The following LRWD1 variants were observed in gnomAD, a reference collection of about 807,000 sequenced individuals.
The protein encoded by LRWD1 is leucine rich repeats and WD repeat domain containing 1, also known as leucine-rich repeat and WD repeat-containing protein 1.
LRWD1 carries 76 observed loss-of-function variants against 75.6 expected under a neutral mutation model. The ratio of observed to expected loss-of-function variants is 1.01; its 90% CI spans 0.84 to 1.22. The LOEUF is 1.22. Among genes scored for constraint, LRWD1 ranks in the 50% most tolerant of loss-of-function variants. The pLI, the probability that LRWD1 is intolerant of heterozygous loss-of-function variation, is 0.00. For synonymous variants in LRWD1, 487 were observed against 377.0 expected, an observed-to-expected ratio of 1.29 and a Z score of -3.38; for missense variants, 917 against 862.0, an observed-to-expected ratio of 1.06 and a Z score of -0.80.
At chr7:102,467,585 C>A in intron 4 of LRWD1, 106 bp downstream of exon 4, 2 of 1,533,304 alleles carry the variant, frequency 1.3e-6, no homozygotes, top group South Asian at 2.4e-5. Flanking sequence ...TGGGGTGAGT[C>A]AGGGTGGGCA....
In LRWD1 at chr7:102,467,908, T is replaced by C. The variant is rs1325074829; in HGVS notation, c.678+85T>C. The C allele has an allele frequency of 4.0e-6, 6 of 1,504,758 alleles. No homozygotes were observed. The Admixed American group carries it at 1.3e-4, about 34-fold the overall frequency. The allele number at this position is 1,504,758 out of a possible 1,614,324, so 93.2% of individuals were successfully genotyped here. On this transcript the variant is annotated intron_variant, in intron 5 of 14. Coordinates refer to ENST00000292616, the MANE Select transcript of LRWD1 (RefSeq NM_152892.3). ...AGGAGACCAAGGCGTCCTGGGCATG[T>C]GCCCAGGAAGCACCCCAGGTCCTGG...
chr7:102,472,204 G>T lies in LRWD1; in HGVS notation c.1443-14G>T, dbSNP rs560178149. On this transcript the variant is annotated splice_polypyrimidine_tract_variant and intron_variant, in intron 11 of 14. Coordinates refer to ENST00000292616, the MANE Select transcript of LRWD1 (RefSeq NM_152892.3). ...GCAAGGAATGGCCAACTAGCATCTC[G>T]TGCTGCCCCACAGGGTGTGTGAAGT... 866 of 1,579,174 alleles carry T rather than the reference G, an allele frequency of 5.5e-4. 13 individuals carry two copies. The South Asian group carries it at 9.3e-3, about 17-fold the overall frequency.
rs746505643 is a variant in LRWD1, at chr7:102,472,806, T to C, written c.1803+2T>C. On this transcript the variant is annotated splice_donor_variant, in intron 14 of 14. Transcript: ENST00000292616. LOFTEE classifies it high-confidence loss of function. Reference sequence around the variant, plus strand: ...GCAGCCCTGCAGGCCCCCACACAGGTACTGCCCGGCTCACCCTGCCCAGGC... The same window carrying C: ...GCAGCCCTGCAGGCCCCCACACAGGCACTGCCCGGCTCACCCTGCCCAGGC... The C allele has an allele frequency of 6.2e-7, 1 of 1,613,182 alleles. No individual in the cohort carries two copies. The highest frequency in any genetic ancestry group is 8.5e-7 in the Non-Finnish European group (1 of 1,179,858).
chr7:102,467,659 C>A, intron 4 of LRWD1, 60 bp from the exon 5 acceptor site: 1 of 1,516,576 alleles, frequency 6.6e-7, no homozygotes, highest in Non-Finnish European at 9.0e-7. Flanking sequence ...GACTATGCAT[C>A]GGCAGGGCTG....
chr7:102,468,969 G>C lies in LRWD1; in HGVS notation c.1135G>C (p.Val379Leu). The change falls in exon 9 of 15, where the codon GTG (valine) becomes CTG (leucine). Residue 379 changes from valine (V) to leucine (L), a missense_variant. By Grantham distance (32) the Val-to-Leu change is conservative. Coordinates refer to ENST00000292616, the MANE Select transcript of LRWD1 (RefSeq NM_152892.3). ...GLRGLVRLLH[V>L]RAGFCCGVIR... is the part of the protein sequence containing the mutation. ...ACGGGGCCTGGTCCGGCTGCTGCAC[G>C]TGCGTGCCGGCTTCTGCTGCGGGGT... The C allele has an allele frequency of 1.2e-6, 2 of 1,612,712 alleles. No homozygotes were observed. Among genetic ancestry groups the C allele is most frequent in the Non-Finnish European group, 1.7e-6 (2 of 1,179,868 alleles).
chr7:102,468,205 G>A lies in LRWD1; in HGVS notation c.804+18G>A, dbSNP rs1183539844. 6.2e-7 allele frequency: 1 copy of A among 1,604,912 alleles called. No individual in the cohort carries two copies. The highest frequency in any genetic ancestry group is 2.2e-5 in the East Asian group (1 of 44,466). Reference sequence around the variant, plus strand: ...GCAGCCAGGTGAGCTGAGGTGGCAAGGAGCAGGTGGCAGATGAGTCGGGGC... The same window carrying A: ...GCAGCCAGGTGAGCTGAGGTGGCAAAGAGCAGGTGGCAGATGAGTCGGGGC... On this transcript the variant is annotated intron_variant, in intron 6 of 14. Transcript: ENST00000292616.
At chr7:102,467,919 C>T in intron 5 of LRWD1, 96 bp downstream of exon 5, 3 of 1,496,018 alleles carry the variant, frequency 2.0e-6, no homozygotes, top group Non-Finnish European at 2.7e-6. Context: ...GCCCAGGAAG[C>T]ACCCCAGGTC....
At position 102,466,224 on chromosome 7, in the gene LRWD1, C is replaced by T. The variant is rs986641243; in HGVS notation, c.386C>T (p.Ser129Leu). 5.6e-6 allele frequency: 9 copies of T among 1,614,032 alleles called. No individual in the cohort carries two copies. The highest frequency in any genetic ancestry group is 7.6e-6 in the Non-Finnish European group (9 of 1,180,046). ...AAGGTCAATGGCAAGGATGCGTCCT[C>T]AACTTACTCTCAGGTGGAGAACCTG... ...LRKVNGKDAS[S>L]TYSQVENLNR... The change falls in exon 3 of 15, where the codon TCA becomes TTA. Residue 129 changes from serine (S) to leucine (L), a missense_variant. By Grantham distance (145) the Ser-to-Leu change is moderately radical (BLOSUM62 -2). Transcript: ENST00000292616.
intron 11 of LRWD1, chr7:102,470,621 G>C (rs1051992121): frequency 1.3e-5 from 2 of 152,432 alleles, no homozygotes; most frequent in Non-Finnish European, 2.9e-5. Flanking sequence ...GAAATGGTAC[G>C]TGCAAAGGTC....
rs139480794 is a variant in LRWD1 at position 102,471,938 on chromosome 7, C to T, written c.1443-280C>T. 1,657 of 426,506 alleles carry T rather than the reference C, an allele frequency of 3.9e-3. 10 individuals are homozygous for T. Among genetic ancestry groups the T allele is most frequent in the Non-Finnish European group, 5.7e-3 (1,296 of 227,552 alleles). The allele number at this position is 426,506 out of a possible 1,614,324, so 26.4% of individuals were successfully genotyped here. On this transcript the variant is annotated intron_variant, in intron 11 of 14. Coordinates refer to ENST00000292616, the MANE Select transcript of LRWD1 (RefSeq NM_152892.3). ...ACTCGGTCCCAGAGGCACTGGCTCG[C>T]TTCAGAGCCTTATCCAACCCCCTGG...
In LRWD1 at chr7:102,467,347, TCACTGGGAGAAGTTCATGGCCA is replaced by T; in HGVS notation, c.449_470del (p.Glu150ValfsTer14). The T allele has an allele frequency of 6.2e-7, 1 of 1,607,728 alleles. No individual in the cohort carries two copies. Among genetic ancestry groups the T allele is most frequent in the Non-Finnish European group, 8.5e-7 (1 of 1,177,322 alleles). ...GGTCCCTCTTGCACCAGGTCACAGC[TCACTGGGAGAAGTTCATGGCCA>T]CACTGGGTCCTGAAGAGGAGGCTGA... On this transcript the variant is annotated frameshift_variant, in exon 4 of 15. Coordinates refer to ENST00000292616, the MANE Select transcript of LRWD1 (RefSeq NM_152892.3). LOFTEE classifies it high-confidence loss of function.
chr7:102,469,186 C>T (rs962418757), intron 9 of LRWD1, 124 bp downstream of exon 9: 38 of 811,822 alleles, frequency 4.7e-5, no homozygotes, highest in African/African-American at 4.3e-4. Flanking sequence ...CAGTCTGCAC[C>T]GCTCCGACTC....
rs1038797627 is a variant in LRWD1, at chr7:102,466,277, G to A, written c.432+7G>A. 3 of 1,603,512 alleles carry A rather than the reference G, an allele frequency of 1.9e-6. No individual in the cohort carries two copies. Among genetic ancestry groups the A allele is most frequent in the African/African-American group, 2.7e-5 (2 of 74,716 alleles). ...TCGGGAGCTGACCAGCAGGGTAAGG[G>A]GATGAGAGGATTATTGTGTGCTTAG... On this transcript the variant is annotated splice_region_variant and intron_variant, in intron 3 of 14. Transcript: ENST00000292616.
At chr7:102,468,800 C>T (rs978957334) in intron 8 of LRWD1, 55 bp from the exon 9 acceptor site, 102 of 1,587,226 alleles carry the variant, frequency 6.4e-5, no homozygotes, top group African/African-American at 1.5e-4. Context: ...GGGCTACCCG[C>T]GTGTTCACAC....
At position 102,472,736 on chromosome 7, in the gene LRWD1, C is replaced by T. The variant is rs1300343517; in HGVS notation, c.1735C>T (p.Leu579Phe). The T allele has an allele frequency of 1.2e-6, 2 of 1,613,528 alleles. No homozygotes were observed. Among genetic ancestry groups the T allele is most frequent in the Non-Finnish European group, 1.7e-6 (2 of 1,179,960 alleles). ...LCGDEEGNVW[L>F]YDVSNILKQP... ...TGGGGATGAGGAGGGCAACGTGTGG[C>T]TCTACGACGTCAGCAACATCCTGAA... The change falls in exon 14 of 15, where the codon CTC becomes TTC. Residue 579 changes from leucine (L) to phenylalanine (F), a missense_variant. Coordinates refer to ENST00000292616, the MANE Select transcript of LRWD1 (RefSeq NM_152892.3).
At position 102,465,169 on chromosome 7, in the gene LRWD1, C is replaced by A; in HGVS notation, c.80+9C>A. The A allele has an allele frequency of 6.7e-7, 1 of 1,490,440 alleles. No homozygotes were observed. The highest frequency in any genetic ancestry group is 8.9e-7 in the Non-Finnish European group (1 of 1,122,692). 92.3% of individuals were successfully genotyped at this position (1,490,440 alleles called of 1,614,324 possible). A position where few individuals can be genotyped will look rare whatever the true frequency, so the allele number is the denominator to read the frequency against. ...AAGATCCGGAGTCTGGAGTAAGAGC[C>A]GGGCAGCGGGTGAGGCTGTGTCCTC... On this transcript the variant is annotated intron_variant, in intron 1 of 14. Coordinates refer to ENST00000292616, the MANE Select transcript of LRWD1 (RefSeq NM_152892.3).
intron 3 of LRWD1, among the ~76,000 whole-genome samples, 152 bp from the exon 4 acceptor site, chr7:102,467,170 GGGTGTGTGTGTGTGTGT>G (rs1798023897): frequency 1.8e-5 from 1 of 54,284 alleles, no homozygotes. Context: ...GGTGTGTGTG[GGGTGTGTGTGTGTGTGT>G]GTGTGTGTGT....
intron 11 of LRWD1, 160 bp downstream of exon 11, chr7:102,470,042 C>G (rs923269452): frequency 2.8e-5 from 27 of 958,514 alleles, no homozygotes; most frequent in Non-Finnish European, 4.0e-5. Context: ...CTGCCAGGCT[C>G]TGGAGGAAAG....
chr7:102,471,556 T>G (rs945731335), intron 11 of LRWD1: 1 of 154,484 alleles, frequency 6.5e-6, no homozygotes, highest in Non-Finnish European at 1.5e-5. Flanking sequence ...CTGGTCCCTG[T>G]GTCTAAGATG....
Sources: gnomAD v4.1 joint callset for allele counts (sites outside exome capture counted in the v4.1 genomes callset) on GRCh38, gnomAD v4.1.1 for gene constraint, MANE v1.5 for transcripts, NCBI Gene and HGNC (gene_info 2026-07-23, HGNC 2026-07-21) for gene names.